ZNF319: variants seen among roughly 807,000 people sequenced by gnomAD.
The protein encoded by ZNF319 is zinc finger protein 319.
A neutral mutation model predicts 46.0 loss-of-function variants in ZNF319; 15 were observed. The observed-to-expected ratio is 0.33, with a 90% CI of 0.22 to 0.50. ZNF319 has a LOEUF of 0.50. Among genes scored for constraint, ZNF319 ranks in the 20% least tolerant of loss-of-function variants. The pLI is 0.98. For missense variants in ZNF319, 635 were observed against 807.0 expected, an observed-to-expected ratio of 0.79 and a Z score of 2.58; for synonymous variants, 368 against 364.0, an observed-to-expected ratio of 1.01 and a Z score of -0.13.
rs1318251879 is a variant in ZNF319 at position 57,998,532 on chromosome 16, A to C, written c.-257-10T>G. 2.3e-6 allele frequency: 1 copy of C among 427,164 alleles called. No individual in the cohort carries two copies. Among genetic ancestry groups the C allele is most frequent in the Non-Finnish European group, 4.3e-6 (1 of 233,836 alleles). The allele number at this position is 427,164 out of a possible 1,614,324, so 26.5% of individuals were successfully genotyped here. A position where few individuals can be genotyped will look rare whatever the true frequency, so the allele number is the denominator to read the frequency against. Reference sequence around the variant, plus strand: ...TCCCCAGTGATCCGTTCTGTAGAGAAGAGAGAAAGTATGAGCTCGAGGAAG... The same window carrying C: ...TCCCCAGTGATCCGTTCTGTAGAGACGAGAGAAAGTATGAGCTCGAGGAAG... On this transcript the variant is annotated splice_polypyrimidine_tract_variant and intron_variant, in intron 1 of 1. Transcript: ENST00000299237.
Position 57,996,329 on chromosome 16 carries a change from G to C in ZNF319, c.*188C>G. On this transcript the variant is annotated 3_prime_UTR_variant, in exon 2 of 2. Transcript: ENST00000299237. ...ATCTGGCCGCCCGCACTGCCCGCTG[G>C]TGCCAGGAGTACGAGCGGCACACCC... The C allele has an allele frequency of 8.1e-7, 1 of 1,227,348 alleles. No individual in the cohort carries two copies. The highest frequency in any genetic ancestry group is 2.6e-5 in the East Asian group (1 of 37,874). 76.0% of individuals were successfully genotyped at this position (1,227,348 alleles called of 1,614,324 possible).
In ZNF319 at chr16:57,995,090, T is replaced by C. The variant is rs568433972; in HGVS notation, c.*1427A>G. 6.6e-6 allele frequency: 1 copy of C among 152,304 alleles called. No individual in the cohort carries two copies. The highest frequency in any genetic ancestry group is 2.1e-4 in the South Asian group (1 of 4,816). 9.4% of individuals were successfully genotyped at this position (152,304 alleles called of 1,614,324 possible). ...TCTCCCTGCCCCTCAGGGCCCTTGG[T>C]GTGCCCACTGATTAGTCTTCTTTCA... On this transcript the variant is annotated 3_prime_UTR_variant, in exon 2 of 2. Coordinates refer to ENST00000299237, the MANE Select transcript of ZNF319 (RefSeq NM_020807.3).
rs929898017 is a variant in ZNF319, at chr16:57,998,233, C to T, written c.33G>A (p.Thr11=). 6.5e-6 allele frequency: 10 copies of T among 1,528,048 alleles called. No individual in the cohort carries two copies. In the South Asian group the frequency reaches 1.0e-4, roughly 16 times the overall value. 94.7% of individuals were successfully genotyped at this position (1,528,048 alleles called of 1,614,324 possible). A position where few individuals can be genotyped will look rare whatever the true frequency, so the allele number is the denominator to read the frequency against. ...GCGGTGGCTGTGGCTGCTGCGGCTGCGTCTGTGGCGGCTGTTGCCAGCTTT... is the reference window on the plus strand; with the variant it reads ...GCGGTGGCTGTGGCTGCTGCGGCTGTGTCTGTGGCGGCTGTTGCCAGCTTT... MSESWQQPPQ[T]QPQQPQPPQP... Residue 11 remains threonine, a synonymous_variant, in exon 2 of 2, where the codon ACG becomes ACA. Coordinates refer to ENST00000299237, the MANE Select transcript of ZNF319 (RefSeq NM_020807.3).
Position 57,996,657 on chromosome 16 carries a change from C to T in ZNF319, c.1609G>A (p.Ala537Thr), listed in dbSNP as rs1248741210. The change falls in exon 2 of 2, where the codon GCC becomes ACC. Residue 537 changes from alanine to threonine, a missense_variant. Ala to Thr is a moderately conservative substitution (Grantham distance 58). This residue lies in a region of ZNF319 where 270 missense variants were observed against 281.4 expected (regional missense o/e 0.96). Transcript: ENST00000299237. The part of the protein sequence containing the change: ...EHLNKHQGVH[A>T]REQQFKCVWC... ...ACACACTTGAACTGCTGCTCGCGGGCGTGCACGCCCTGGTGCTTGTTGAGA... is the reference window on the plus strand; with the variant it reads ...ACACACTTGAACTGCTGCTCGCGGGTGTGCACGCCCTGGTGCTTGTTGAGA... The T allele has an allele frequency of 3.1e-6, 5 of 1,612,912 alleles. No homozygotes were observed. Among genetic ancestry groups the T allele is most frequent in the Non-Finnish European group, 4.2e-6 (5 of 1,179,986 alleles).
Position 57,996,256 on chromosome 16 carries a change from A to T in ZNF319, c.*261T>A. ...GGTGCTGATGGCTCTCAAGAAAGTG[A>T]ATCTTGTCATGGGAAAGAGGTTTGT... On this transcript the variant is annotated 3_prime_UTR_variant, in exon 2 of 2. Coordinates refer to ENST00000299237, the MANE Select transcript of ZNF319 (RefSeq NM_020807.3). 1 of 556,422 alleles carries T rather than the reference A, an allele frequency of 1.8e-6. No homozygotes were observed. The highest frequency in any genetic ancestry group is 2.9e-6 in the Non-Finnish European group (1 of 345,616). The allele number at this position is 556,422 out of a possible 1,614,324, so 34.5% of individuals were successfully genotyped here.
chr16:57,998,100 G>T lies in ZNF319; in HGVS notation c.166C>A (p.Pro56Thr). The T allele has an allele frequency of 6.2e-7, 1 of 1,607,452 alleles. No homozygotes were observed. The highest frequency in any genetic ancestry group is 1.1e-5 in the South Asian group (1 of 90,932). ...TGTGGGGGCTGCAGGCCGGGGTCTG[G>T]CTGCAGGAGGATGCCATAGACGGCA... The part of the protein sequence containing the change: ...GCAVYGILLQ[P>T]DPGLQPPQHA... Residue 56 changes from proline to threonine, a missense_variant, in exon 2 of 2, where the codon CCA becomes ACA. Physicochemically the swap from Pro to Thr is conservative, Grantham distance 38. Transcript: ENST00000299237.
Position 57,997,567 on chromosome 16 carries a change from C to G in ZNF319, c.699G>C (p.Thr233=). The change falls in exon 2 of 2, where the codon ACG becomes ACC. Residue 233 remains threonine, a synonymous_variant. Coordinates refer to ENST00000299237, the MANE Select transcript of ZNF319 (RefSeq NM_020807.3). ...IHTGEKPYKC[T]LCDKSFSQSS... is the part of the protein sequence containing the mutation. The stretch of plus-strand genomic sequence containing the variant: ...ACTGGCTGAAGCTTTTGTCACACAG[C>G]GTGCACTTGTAGGGCTTCTCACCGG... 1 of 1,613,770 alleles carries G rather than the reference C, an allele frequency of 6.2e-7. No homozygotes were observed. The highest frequency in any genetic ancestry group is 1.1e-5 in the South Asian group (1 of 91,078).
At position 57,996,345 on chromosome 16, in the gene ZNF319, C is replaced by T. The variant is rs556270862; in HGVS notation, c.*172G>A. 40 of 1,332,508 alleles carry T rather than the reference C, an allele frequency of 3.0e-5. No homozygotes were observed. The Middle Eastern group carries it at 8.1e-4, about 27-fold the overall frequency. 82.5% of individuals were successfully genotyped at this position (1,332,508 alleles called of 1,614,324 possible). ...TGCCCGCTGGTGCCAGGAGTACGAG[C>T]GGCACACCCTCTCCCTGCCTCATAC... On this transcript the variant is annotated 3_prime_UTR_variant, in exon 2 of 2. Transcript: ENST00000299237.
At position 57,997,720 on chromosome 16, in the gene ZNF319, C is replaced by G; in HGVS notation, c.546G>C (p.Ser182=). ...AAEPATTAAP[S]LPAAPAPSTV... ...TGGAAGGCGCGGGTGCTGCGGGAAG[C>G]GACGGGGCGGCTGTGGTGGCTGGCT... The change falls in exon 2 of 2, where the codon TCG becomes TCC. Residue 182 remains serine (S), a synonymous_variant. Transcript: ENST00000299237. 6.2e-7 allele frequency: 1 copy of G among 1,613,638 alleles called. No individual in the cohort carries two copies. The highest frequency in any genetic ancestry group is 8.5e-7 in the Non-Finnish European group (1 of 1,180,040).
chr16:57,999,988 T>C lies in ZNF319; in HGVS notation c.-753A>G, dbSNP rs1053406525. On this transcript the variant is annotated 5_prime_UTR_variant, in exon 1 of 2. Transcript: ENST00000299237. ...AGGTGCAGCCAGGAAGCCTCTGTGA[T>C]CACTCCGCAAAGGGGAGAGAGGAGG... 2.0e-5 allele frequency: 3 copies of C among 152,560 alleles called. No individual in the cohort carries two copies. Among genetic ancestry groups the C allele is most frequent in the Non-Finnish European group, 4.4e-5 (3 of 68,264 alleles). 9.5% of individuals were successfully genotyped at this position (152,560 alleles called of 1,614,324 possible).
At position 57,994,930 on chromosome 16, in the gene ZNF319, A is replaced by C. The variant is rs1962984210; in HGVS notation, c.*1587T>G. ...GTAGGCCTGGGTTCCATGTCTTTTG[A>C]GGCATTGTGACAGAGAGCCAGCACC... is the stretch of plus-strand genomic sequence containing the variant. On this transcript the variant is annotated 3_prime_UTR_variant, in exon 2 of 2. Transcript: ENST00000299237. 1 of 152,202 alleles carries C rather than the reference A, an allele frequency of 6.6e-6. No individual in the cohort carries two copies. The highest frequency in any genetic ancestry group is 1.5e-5 in the Non-Finnish European group (1 of 68,042). 9.4% of individuals were successfully genotyped at this position (152,202 alleles called of 1,614,324 possible).
chr16:57,998,228 G>C lies in ZNF319; in HGVS notation c.38C>G (p.Pro13Arg), dbSNP rs748168688. The C allele has an allele frequency of 6.5e-7, 1 of 1,531,618 alleles. No homozygotes were observed. Among genetic ancestry groups the C allele is most frequent in the Admixed American group, 2.1e-5 (1 of 47,444 alleles). 94.9% of individuals were successfully genotyped at this position (1,531,618 alleles called of 1,614,324 possible). ...AGGCTGCGGTGGCTGTGGCTGCTGCGGCTGCGTCTGTGGCGGCTGTTGCCA... is the reference window on the plus strand; with the variant it reads ...AGGCTGCGGTGGCTGTGGCTGCTGCCGCTGCGTCTGTGGCGGCTGTTGCCA... The part of the protein sequence containing the change: ...ESWQQPPQTQ[P>R]QQPQPPQPQH... Residue 13 changes from proline (P) to arginine (R), a missense_variant, in exon 2 of 2, where the codon CCG becomes CGG. Transcript: ENST00000299237.
rs42217 is a variant in ZNF319, at chr16:58,000,059, C to T, written c.-824G>A. Among the ~76,000 whole-genome samples the T allele has an allele frequency of 6.6e-6, 1 of 152,188 alleles. No individual in the cohort carries two copies. Among genetic ancestry groups the T allele is most frequent in the Non-Finnish European group, 1.5e-5 (1 of 68,016 alleles). ...CCCCCACCTGCGCCCCACCCCGTCTCTTCTTCCTCCCTGAGAAACCGAATG... is the reference window on the plus strand; with the variant it reads ...CCCCCACCTGCGCCCCACCCCGTCTTTTCTTCCTCCCTGAGAAACCGAATG... On this transcript the variant is annotated 5_prime_UTR_variant, in exon 1 of 2. Coordinates refer to ENST00000299237, the MANE Select transcript of ZNF319 (RefSeq NM_020807.3). This position sits in a 1 kb window ranked among gnomAD's most constrained non-coding sequence, Gnocchi z 4.5.
rs1963013158 is a variant in ZNF319 at position 57,996,364 on chromosome 16, C to T, written c.*153G>A. ...TACGAGCGGCACACCCTCTCCCTGC[C>T]TCATACCCCTGCGTCCTCACTCCCG... On this transcript the variant is annotated 3_prime_UTR_variant, in exon 2 of 2. Coordinates refer to ENST00000299237, the MANE Select transcript of ZNF319 (RefSeq NM_020807.3). 2.8e-6 allele frequency: 4 copies of T among 1,407,898 alleles called. No homozygotes were observed. The highest frequency in any genetic ancestry group is 3.1e-5 in the South Asian group (2 of 64,772). The allele number at this position is 1,407,898 out of a possible 1,614,324, so 87.2% of individuals were successfully genotyped here.
chr16:57,996,987 G>C lies in ZNF319; in HGVS notation c.1279C>G (p.Pro427Ala). ...TTGTTGCACACAGGGCACTTGAAGG[G>C]CCGCTCGGCCGCGCCGGGCAGGCAC... Reference protein sequence around the residue: ...HKCLPGAAERPFKCPVCNKAY... With the variant: ...HKCLPGAAERAFKCPVCNKAY... Residue 427 changes from proline to alanine, a missense_variant, in exon 2 of 2, where the codon CCC becomes GCC. By Grantham distance (27) the Pro-to-Ala change is conservative. This residue lies in a region of ZNF319 where 270 missense variants were observed against 281.4 expected (regional missense o/e 0.96). Transcript: ENST00000299237. The C allele has an allele frequency of 6.2e-7, 1 of 1,604,994 alleles. No individual in the cohort carries two copies. The highest frequency in any genetic ancestry group is 1.1e-5 in the South Asian group (1 of 91,046).
rs1319324772 is a variant in ZNF319 at position 57,997,279 on chromosome 16, G to T, written c.987C>A (p.Asp329Glu). 1 of 1,611,118 alleles carries T rather than the reference G, an allele frequency of 6.2e-7. No individual in the cohort carries two copies. The highest frequency in any genetic ancestry group is 2.2e-5 in the East Asian group (1 of 44,876). The change falls in exon 2 of 2, where the codon GAC (aspartate) becomes GAA (glutamate). Residue 329 changes from aspartate to glutamate, a missense_variant. Asp to Glu is a conservative substitution (Grantham distance 45). Coordinates refer to ENST00000299237, the MANE Select transcript of ZNF319 (RefSeq NM_020807.3). Reference sequence around the variant, plus strand: ...TGTGTGTGCGCTCATGCTGCCGCAGGTCCGAGGGCCGCTTGAAGGCCTTCT... The same window carrying T: ...TGTGTGTGCGCTCATGCTGCCGCAGTTCCGAGGGCCGCTTGAAGGCCTTCT... ...ECQKAFKRPSDLRQHERTHSA... is the reference protein window; with the variant it reads ...ECQKAFKRPSELRQHERTHSA...
intron 1 of ZNF319, among the ~76,000 whole-genome samples, chr16:57,999,149 G>C (rs1963094472): frequency 6.6e-6 from 1 of 151,952 alleles, no homozygotes; most frequent in Non-Finnish European, 1.5e-5. Context: ...AGAGCCCATA[G>C]GTGATGGGGG....
rs1473378478 is a variant in ZNF319, at chr16:58,000,669, G to A, written c.-1434C>T. Among the ~76,000 whole-genome samples, 1 of 148,868 alleles carries A rather than the reference G, an allele frequency of 6.7e-6. No homozygotes were observed. On this transcript the variant is annotated 5_prime_UTR_variant, in exon 1 of 2. Coordinates refer to ENST00000299237, the MANE Select transcript of ZNF319 (RefSeq NM_020807.3). This position sits in a 1 kb window ranked among gnomAD's most constrained non-coding sequence, Gnocchi z 4.5. The stretch of plus-strand genomic sequence containing the variant: ...GACGGACCGATGGCCTTGCGGAGAC[G>A]GGCGGACGGGCGGGCGGCGCGGGGG...
chr16:57,997,128 A>G lies in ZNF319; in HGVS notation c.1138T>C (p.Phe380Leu). 1 of 1,614,036 alleles carries G rather than the reference A, an allele frequency of 6.2e-7. No individual in the cohort carries two copies. Among genetic ancestry groups the G allele is most frequent in the Non-Finnish European group, 8.5e-7 (1 of 1,179,996 alleles). The change falls in exon 2 of 2, where the codon TTT becomes CTT. Residue 380 changes from phenylalanine to leucine, a missense_variant. Physicochemically the swap from Phe to Leu is conservative, Grantham distance 22. Transcript: ENST00000299237. Reference protein sequence around the residue: ...PFKCGLCEKGFGQPSHLLYHQ... With the variant: ...PFKCGLCEKGLGQPSHLLYHQ... ...TAGAGCAGGTGGCTGGGCTGCCCAA[A>G]GCCCTTCTCACATAGGCCGCATTTG...
Sources: gnomAD v4.1 joint callset for allele counts (sites outside exome capture counted in the v4.1 genomes callset) on GRCh38, gnomAD v4.1.1 for gene constraint, gnomAD v4.1.1 regional missense constraint, Gnocchi (gnomAD v3.1) non-coding constraint, MANE v1.5 for transcripts, NCBI Gene and HGNC (gene_info 2026-07-23, HGNC 2026-07-21) for gene names.